TRAP1: variants seen among roughly 807,000 people sequenced by gnomAD.
TRAP1 encodes TNF receptor associated protein 1.
Under a neutral mutation model 89.1 loss-of-function variants are expected in TRAP1, and 102 were observed. The ratio of observed to expected loss-of-function variants is 1.15; its 90% CI spans 0.98 to 1.35. The LOEUF is 1.35. Among genes scored for constraint, TRAP1 ranks in the 40% most tolerant of loss-of-function variants. The pLI, the probability that TRAP1 is intolerant of heterozygous loss-of-function variation, is 0.00. For missense variants in TRAP1, 1,256 were observed against 945.3 expected, an observed-to-expected ratio of 1.33 and a Z score of -4.31; for synonymous variants, 508 against 388.0, an observed-to-expected ratio of 1.31 and a Z score of -3.64.
At chr16:3,690,708 T>C in intron 2 of TRAP1, 119 bp downstream of exon 2, 1 of 1,118,616 alleles carries the variant, frequency 8.9e-7, no homozygotes, top group Non-Finnish European at 1.2e-6. Context: ...GCCAAGACCT[T>C]CTGATTTCAC....
intron 1 of TRAP1, chr16:3,704,472 T>C (rs932082013): frequency 6.6e-6 from 1 of 152,222 alleles, no homozygotes; most frequent in Non-Finnish European, 1.5e-5. Context: ...TTAGTGTACA[T>C]AAATAGCCAA....
chr16:3,672,922 G>A (rs749966001), intron 9 of TRAP1, 102 bp from the exon 10 acceptor site: 20 of 1,441,016 alleles, frequency 1.4e-5, no homozygotes, highest in African/African-American at 1.3e-4. Context: ...GCCCACTCCC[G>A]CCTCGCCCTC....
At chr16:3,658,366 TC>T (rs960537030) in intron 17 of TRAP1, 136 bp from the exon 18 acceptor site, 7 of 686,676 alleles carry the variant, frequency 1.0e-5, no homozygotes, top group African/African-American at 1.8e-5. Context: ...CCTCAGGTGA[TC>T]CCCCCGCCTC....
intron 3 of TRAP1, among the ~76,000 whole-genome samples, chr16:3,688,672 C>CG (rs2051170780): frequency 6.6e-6 from 1 of 151,890 alleles, no homozygotes; most frequent in Non-Finnish European, 1.5e-5. Flanking sequence ...TTTGTAGAGA[C>CG]GGAGTCTTGC....
chr16:3,676,875 AG>A (rs1164224182), intron 6 of TRAP1: 1 of 152,650 alleles, frequency 6.6e-6, no homozygotes, highest in Non-Finnish European at 1.5e-5. Context: ...ACCAACATGG[AG>A]AAACCCTGTC....
Position 3,691,001 on chromosome 16 carries a change from T to G in TRAP1, c.89-16A>C, listed in dbSNP as rs1596733634. On this transcript the variant is annotated splice_polypyrimidine_tract_variant and intron_variant, in intron 1 of 17. Coordinates refer to ENST00000246957, the MANE Select transcript of TRAP1 (RefSeq NM_016292.3). ...ATTGGTTTTCCTGAAAAGACAAATATGCAGAAAGAATGAGAATTAGGAAGA... is the reference window on the plus strand; with the variant it reads ...ATTGGTTTTCCTGAAAAGACAAATAGGCAGAAAGAATGAGAATTAGGAAGA... 6.8e-7 allele frequency: 1 copy of G among 1,466,926 alleles called. No individual in the cohort carries two copies. Among genetic ancestry groups the G allele is most frequent in the Non-Finnish European group, 9.1e-7 (1 of 1,101,828 alleles). The allele number at this position is 1,466,926 out of a possible 1,614,324, so 90.9% of individuals were successfully genotyped here. A position where few individuals can be genotyped will look rare whatever the true frequency, so the allele number is the denominator to read the frequency against.
rs151069865 is a variant in TRAP1 at position 3,674,436 on chromosome 16, C to T, written c.947G>A (p.Arg316His). 2.0e-5 allele frequency: 32 copies of T among 1,613,978 alleles called. No individual in the cohort carries two copies. In the African/African-American group the frequency reaches 2.7e-4, roughly 13 times the overall value. The change falls in exon 9 of 18, where the codon CGC (arginine) becomes CAC (histidine). Residue 316 changes from arginine (R) to histidine (H), a missense_variant. Transcript: ENST00000246957. ...VREWQHEEFY[R>H]YVAQAHDKPR... ...CTTGTCGTGAGCCTGCGCGACGTAG[C>T]GGTAGAACTCCTCATGTTGCCACTC...
chr16:3,688,641 G>C (rs143080360), intron 3 of TRAP1, among the ~76,000 whole-genome samples: 2 of 152,014 alleles, frequency 1.3e-5, no homozygotes, highest in Non-Finnish European at 2.9e-5. Context: ...TGCCCCCATA[G>C]CTGGCTAATT....
chr16:3,663,778 A>G (rs2050751337), intron 13 of TRAP1: 2 of 586,964 alleles, frequency 3.4e-6, no homozygotes, highest in East Asian at 2.9e-5. Context: ...CCACGCATAA[A>G]GAAATCCACA....
intron 1 of TRAP1, 87 bp from the exon 2 acceptor site, chr16:3,691,072 G>C: frequency 2.3e-6 from 3 of 1,280,320 alleles, no homozygotes; most frequent in Middle Eastern, 2.0e-4. Flanking sequence ...GTGTCTAGCA[G>C]AAGCTAGCGT....
At chr16:3,712,685 G>A (rs974433247) in intron 1 of TRAP1, among the ~76,000 whole-genome samples, 2 of 152,160 alleles carry the variant, frequency 1.3e-5, no homozygotes, top group African/African-American at 4.8e-5. Context: ...TTGGCTCACT[G>A]CAACCTCCAA....
chr16:3,673,747 G>C (rs757090076), intron 9 of TRAP1, among the ~76,000 whole-genome samples: 1 of 152,226 alleles, frequency 6.6e-6, no homozygotes, highest in Non-Finnish European at 1.5e-5. Context: ...CCTGGGGGCA[G>C]GACGGGCTGG....
intron 1 of TRAP1, among the ~76,000 whole-genome samples, chr16:3,693,423 G>A (rs1405211838): frequency 6.6e-6 from 1 of 151,628 alleles, no homozygotes; most frequent in Non-Finnish European, 1.5e-5. Context: ...ATTTCTTCTG[G>A]AATTAAATGG....
intron 1 of TRAP1, among the ~76,000 whole-genome samples, chr16:3,701,864 G>C (rs2051369996): frequency 6.6e-6 from 1 of 152,170 alleles, no homozygotes; most frequent in Admixed American, 6.6e-5. Flanking sequence ...TGTTCACATG[G>C]TTTTGGTTAA....
At chr16:3,670,029 T>G (rs2050890475) in intron 11 of TRAP1, among the ~76,000 whole-genome samples, 1 of 151,450 alleles carries the variant, frequency 6.6e-6, no homozygotes, top group Non-Finnish European at 1.5e-5. Flanking sequence ...TGGGAAGTGG[T>G]GCAAATAAAC....
In TRAP1 at chr16:3,679,805, G is replaced by A. The variant is rs1435017996; in HGVS notation, c.472-15C>T. ...ATACCAGTATCCTGAGGAGAGAGAC[G>A]CACTAAGTGCCAAGCCCCCAGCACC... On this transcript the variant is annotated splice_polypyrimidine_tract_variant and intron_variant, in intron 4 of 17. Transcript: ENST00000246957. 29 of 1,613,634 alleles carry A rather than the reference G, an allele frequency of 1.8e-5. No homozygotes were observed. Among genetic ancestry groups the A allele is most frequent in the East Asian group, 1.6e-4 (7 of 44,888 alleles).
chr16:3,692,743 C>T (rs1285651321), intron 1 of TRAP1, among the ~76,000 whole-genome samples: 4 of 150,722 alleles, frequency 2.7e-5, no homozygotes, highest in Admixed American at 6.6e-5. Flanking sequence ...GGTTTACAGG[C>T]GCCTGCCACC....
intron 12 of TRAP1, 71 bp downstream of exon 12, chr16:3,665,900 C>T (rs1019481298): frequency 9.0e-6 from 14 of 1,556,526 alleles, no homozygotes; most frequent in Middle Eastern, 1.9e-4. Flanking sequence ...CAGGGGACAC[C>T]TCCACCAGCT....
Position 3,658,234 on chromosome 16 carries a change from A to G in TRAP1, c.2014-4T>C, listed in dbSNP as rs1567215242. On this transcript the variant is annotated splice_region_variant and splice_polypyrimidine_tract_variant and intron_variant, in intron 17 of 17. Coordinates refer to ENST00000246957, the MANE Select transcript of TRAP1 (RefSeq NM_016292.3). ...CAATCATGGCGTTCTCGTATATCTG[A>G]AAGGCAAGAGGAGAAACCCATTATG... is the stretch of plus-strand genomic sequence containing the variant. 3 of 1,612,750 alleles carry G rather than the reference A, an allele frequency of 1.9e-6. No individual in the cohort carries two copies. Among genetic ancestry groups the G allele is most frequent in the Non-Finnish European group, 2.5e-6 (3 of 1,179,204 alleles).
Sources: allele counts gnomAD v4.1 joint callset (sites outside exome capture counted in the v4.1 genomes callset), GRCh38; gene constraint gnomAD v4.1.1; transcripts MANE v1.5; gene names NCBI Gene and HGNC (gene_info 2026-07-23, HGNC 2026-07-21).